The following TAOK3 variants were observed in gnomAD, a reference collection of about 807,000 sequenced individuals.
TAOK3 encodes TAO kinase 3, also known as serine/threonine-protein kinase TAO3.
In TAOK3, 40 loss-of-function variants were observed where a neutral mutation model predicts 120.4. The observed-to-expected ratio is 0.33, with a 90% confidence interval of 0.26 to 0.43. The LOEUF is 0.43. Among genes scored for constraint, TAOK3 ranks in the 20% least tolerant of loss-of-function variants. The pLI is 1.00. For synonymous variants in TAOK3, 355 were observed against 387.5 expected, an observed-to-expected ratio of 0.92 and a Z score of 0.99; for missense variants, 821 against 1,112.1, an observed-to-expected ratio of 0.74 and a Z score of 3.72.
chr12:118,317,339 C>T (rs2043511559), intron 1 of TAOK3, among the ~76,000 whole-genome samples: 1 of 144,804 alleles, frequency 6.9e-6, no homozygotes, highest in Non-Finnish European at 1.5e-5. Context: ...TGCTCTGTTG[C>T]CCAGGCTGGA....
chr12:118,246,837 A>G (rs1289575432), intron 3 of TAOK3: 1 of 1,280,552 alleles, frequency 7.8e-7, no homozygotes, highest in Non-Finnish European at 1.1e-6. Flanking sequence ...CAGCTACCTG[A>G]CCCCCGACCT....
At chr12:118,350,621 G>T (rs1593656937) in intron 1 of TAOK3, among the ~76,000 whole-genome samples, 2 of 152,104 alleles carry the variant, frequency 1.3e-5, no homozygotes, top group African/African-American at 4.8e-5. Context: ...CACTTTGGGA[G>T]GCTGAGGCAG....
At chr12:118,180,247 C>CTT (rs1370191676) in intron 15 of TAOK3, among the ~76,000 whole-genome samples, 1 of 137,342 alleles carries the variant, frequency 7.3e-6, no homozygotes, top group African/African-American at 2.7e-5. Flanking sequence ...TGTGCCTGGC[C>CTT]TTTTTTTTTT....
At chr12:118,247,167 T>C (rs1218246170) in intron 3 of TAOK3, among the ~76,000 whole-genome samples, 1 of 152,168 alleles carries the variant, frequency 6.6e-6, no homozygotes. Flanking sequence ...AAATAAATTT[T>C]AAATTTTAAT....
chr12:118,183,970 G>T lies in TAOK3; in HGVS notation c.1330-2363C>A, dbSNP rs187661615. ...ATAAAAGGGAAATGAGTTGTGTCAA[G>T]AAAATTTTCTATTTCAGTTGGTGGG... On this transcript the variant is annotated intron_variant, in intron 14 of 20. Transcript: ENST00000392533. Among the ~76,000 whole-genome samples, 49 of 152,262 alleles carry T rather than the reference G, an allele frequency of 3.2e-4. 1 individual carries two copies.
intron 3 of TAOK3, chr12:118,246,035 G>A (rs1399937946): frequency 5.4e-6 from 4 of 743,134 alleles, no homozygotes; most frequent in South Asian, 1.9e-5. Flanking sequence ...GTGAGTATAC[G>A]TGTAGAAAAA....
At chr12:118,272,065 C>T (rs774472450) in intron 1 of TAOK3, among the ~76,000 whole-genome samples, 15 of 152,144 alleles carry the variant, frequency 9.9e-5, no homozygotes, top group Admixed American at 9.8e-4. Context: ...GCAAACACTT[C>T]TTTATTCTAA....
At chr12:118,261,942 CCT>C (rs777780141) in intron 2 of TAOK3, among the ~76,000 whole-genome samples, 20 of 152,060 alleles carry the variant, frequency 1.3e-4, no homozygotes, top group Non-Finnish European at 2.6e-4. Context: ...CTCACTGGAA[CCT>C]CTGCCTCCCG....
chr12:118,206,199 T>A (rs1223131427), intron 11 of TAOK3, among the ~76,000 whole-genome samples: 2 of 152,252 alleles, frequency 1.3e-5, no homozygotes, highest in African/African-American at 4.8e-5. Flanking sequence ...CAATAAAAGC[T>A]ACATGCTAAG....
chr12:118,178,876 A>G (rs945457488), intron 15 of TAOK3, among the ~76,000 whole-genome samples: 6 of 152,230 alleles, frequency 3.9e-5, no homozygotes, highest in African/African-American at 1.4e-4. Context: ...AAAGTGACCA[A>G]ATCTGTTTCT....
At chr12:118,368,378 A>G (rs963504901) in intron 1 of TAOK3, among the ~76,000 whole-genome samples, 3 of 151,754 alleles carry the variant, frequency 2.0e-5, no homozygotes, top group Non-Finnish European at 4.4e-5. Flanking sequence ...TTGTATTTTT[A>G]GTAGAGACGG....
chr12:118,153,082 T>C (rs907781122), intron 19 of TAOK3, among the ~76,000 whole-genome samples: 31 of 152,178 alleles, frequency 2.0e-4, no homozygotes, highest in Non-Finnish European at 1.3e-4. Context: ...AAAAGTTACA[T>C]TGCTAGCCAG....
chr12:118,153,228 G>A (rs1391739894), intron 19 of TAOK3, among the ~76,000 whole-genome samples: 2 of 152,074 alleles, frequency 1.3e-5, no homozygotes, highest in Non-Finnish European at 2.9e-5. Flanking sequence ...GAAATATTGT[G>A]AGACCCCCAT....
At chr12:118,364,537 G>A (rs2045691962) in intron 1 of TAOK3, among the ~76,000 whole-genome samples, 1 of 152,124 alleles carries the variant, frequency 6.6e-6, no homozygotes, top group Non-Finnish European at 1.5e-5. Flanking sequence ...GAAAAAGTCA[G>A]GAGCCAGCTA....
chr12:118,352,902 G>A (rs58774138), intron 1 of TAOK3, among the ~76,000 whole-genome samples: 20 of 152,216 alleles, frequency 1.3e-4, no homozygotes, highest in African/African-American at 4.8e-4. Context: ...TAGAGACAAG[G>A]TTTCACTATG....
chr12:118,329,228 G>T (rs751054122), intron 1 of TAOK3, among the ~76,000 whole-genome samples: 1 of 152,046 alleles, frequency 6.6e-6, no homozygotes, highest in Non-Finnish European at 1.5e-5. Context: ...CTTTAAACTC[G>T]CTTTAAACTC....
At chr12:118,252,887 G>A (rs1215646544) in intron 3 of TAOK3, among the ~76,000 whole-genome samples, 13 of 151,838 alleles carry the variant, frequency 8.6e-5, no homozygotes, top group Admixed American at 2.6e-4. Flanking sequence ...CACCATGTCC[G>A]GCTAAGTTTT....
chr12:118,231,263 GGAA>G (rs1238152830), intron 9 of TAOK3, among the ~76,000 whole-genome samples: 2 of 151,702 alleles, frequency 1.3e-5, no homozygotes, highest in Non-Finnish European at 2.9e-5. Flanking sequence ...GGGCAGGGGT[GGAA>G]GAAGATCTTT....
At chr12:118,334,367 TC>T (rs2141052213) in intron 1 of TAOK3, among the ~76,000 whole-genome samples, 1 of 152,194 alleles carries the variant, frequency 6.6e-6, no homozygotes, top group South Asian at 2.1e-4. Context: ...AATAAGTGGG[TC>T]ACACAAGGAT....
Sources: gnomAD v4.1 joint callset for allele counts (sites outside exome capture counted in the v4.1 genomes callset) on GRCh38, gnomAD v4.1.1 for gene constraint, MANE v1.5 for transcripts, NCBI Gene and HGNC (gene_info 2026-07-23, HGNC 2026-07-21) for gene names.